Variants in SDK1 observed in about 807,000 individuals in gnomAD.
The protein encoded by SDK1 is sidekick cell adhesion molecule 1, also known as protein sidekick-1.
SDK1 carries 157 observed loss-of-function variants against 245.5 expected under a neutral mutation model. The ratio of observed to expected loss-of-function variants is 0.64; its 90% confidence interval spans 0.56 to 0.73. The LOEUF (loss-of-function observed/expected upper bound fraction) is 0.73. SDK1 is among the 30% of genes least tolerant of loss of function. The probability of loss-of-function intolerance (pLI) is 0.00; values close to 1 mark genes in which losing one functional copy is unlikely to be tolerated. For missense variants in SDK1, 3,583 were observed against 3,002.3 expected (o/e 1.19, Z -4.52); for synonymous variants, 1,647 against 1,278.5 (o/e 1.29, Z -6.15).
At chr7:3,820,449 A>G (rs17325157) in intron 4 of SDK1, among the ~76,000 whole-genome samples, 24,757 of 152,176 alleles carry the variant, frequency 0.16, 2,153 homozygotes, top group Middle Eastern at 0.34. Flanking sequence ...CGCTCAGCCC[A>G]TACTTTTTTA....
intron 4 of SDK1, among the ~76,000 whole-genome samples, chr7:3,798,744 C>G (rs570326289): frequency 2.0e-5 from 3 of 152,212 alleles, no homozygotes; most frequent in African/African-American, 7.2e-5. Flanking sequence ...TTAGCCCGGC[C>G]CACATGCAAG....
intron 13 of SDK1, among the ~76,000 whole-genome samples, chr7:3,984,697 T>G (rs952081970): frequency 1.3e-5 from 2 of 152,184 alleles, no homozygotes; most frequent in African/African-American, 4.8e-5. Flanking sequence ...TCTGCAGAGC[T>G]GCCTGGCTCC....
chr7:3,374,701 G>T (rs557311334), intron 1 of SDK1, among the ~76,000 whole-genome samples: 1 of 151,728 alleles, frequency 6.6e-6, no homozygotes, highest in African/African-American at 2.4e-5. Flanking sequence ...TGCTCCTCCA[G>T]TCCCCACTAC....
rs116599976 is a variant in SDK1, at chr7:3,675,666, C to T, written c.713+33561C>T. ...ATAGCTCACTGCGGCCTGGAACTCC[C>T]GGTCTCAAGCCATCCACTTACCTCA... On this transcript the variant is annotated intron_variant, in intron 4 of 44. Transcript: ENST00000404826. 1.2e-3 allele frequency among the ~76,000 whole-genome samples: 186 copies of T among 152,178 alleles called. 1 individual carries two copies. Among genetic ancestry groups the T allele is most frequent in the African/African-American group, 4.4e-3 (181 of 41,536 alleles).
chr7:3,685,764 C>G (rs1056708287), intron 4 of SDK1, among the ~76,000 whole-genome samples: 1 of 151,858 alleles, frequency 6.6e-6, no homozygotes. Context: ...AGAAAACTAT[C>G]CAAAATGAGA....
intron 35 of SDK1, among the ~76,000 whole-genome samples, chr7:4,188,741 C>G (rs1783027755): frequency 6.6e-6 from 1 of 151,342 alleles, no homozygotes; most frequent in Non-Finnish European, 1.5e-5. Flanking sequence ...AATTCTGGAG[C>G]CTGGCATGAA....
At chr7:3,570,607 A>G in intron 1 of SDK1, among the ~76,000 whole-genome samples, 1 of 152,138 alleles carries the variant, frequency 6.6e-6, no homozygotes, top group Non-Finnish European at 1.5e-5. Context: ...TCTTATCTGG[A>G]AATACTTCTT....
intron 1 of SDK1, among the ~76,000 whole-genome samples, chr7:3,425,553 TAACTC>T (rs1278889174): frequency 1.8e-4 from 28 of 152,322 alleles, no homozygotes; most frequent in Admixed American, 1.8e-3. Context: ...CCTCGATAAA[TAACTC>T]AGCAGTCAGA....
At chr7:3,659,378 G>A (rs1783285138) in intron 4 of SDK1, among the ~76,000 whole-genome samples, 1 of 152,160 alleles carries the variant, frequency 6.6e-6, no homozygotes, top group African/African-American at 2.4e-5. Flanking sequence ...AAAGTCAGGT[G>A]ATGAAAGAAA....
intron 17 of SDK1, among the ~76,000 whole-genome samples, chr7:4,020,079 C>A (rs964322344): frequency 2.0e-4 from 31 of 152,024 alleles, no homozygotes; most frequent in African/African-American, 7.5e-4. Context: ...TATTCCTGGG[C>A]CACGAGGATG....
intron 4 of SDK1, among the ~76,000 whole-genome samples, chr7:3,730,749 C>G (rs1779152382): frequency 6.6e-6 from 1 of 152,012 alleles, no homozygotes; most frequent in African/African-American, 2.4e-5. Flanking sequence ...CAACAGGCAG[C>G]CAATTGGAAG....
chr7:3,835,145 G>T (rs764162230), intron 5 of SDK1, among the ~76,000 whole-genome samples: 44 of 152,098 alleles, frequency 2.9e-4, no homozygotes, highest in Middle Eastern at 3.2e-3. Flanking sequence ...TCAATCTTTG[G>T]TAAGTATAAA....
At chr7:3,586,246 C>T (rs545582719) in intron 1 of SDK1, among the ~76,000 whole-genome samples, 1 of 152,080 alleles carries the variant, frequency 6.6e-6, no homozygotes, top group South Asian at 2.1e-4. Context: ...ACAAAATGGG[C>T]TAAGTTACTG....
intron 5 of SDK1, among the ~76,000 whole-genome samples, chr7:3,891,478 A>T (rs145408866): frequency 3.3e-5 from 5 of 152,294 alleles, no homozygotes; most frequent in African/African-American, 1.2e-4. Context: ...GCCACGGTCT[A>T]TGTTAATCCA....
chr7:3,383,938 C>T (rs1396668800), intron 1 of SDK1, among the ~76,000 whole-genome samples: 4 of 152,154 alleles, frequency 2.6e-5, no homozygotes, highest in South Asian at 4.1e-4. Flanking sequence ...CACATTCTTA[C>T]ATTTCAGAAT....
At chr7:3,414,045 A>G (rs938550690) in intron 1 of SDK1, among the ~76,000 whole-genome samples, 13 of 152,044 alleles carry the variant, frequency 8.6e-5, no homozygotes, top group African/African-American at 3.1e-4. Flanking sequence ...AAGTGGAGAG[A>G]GTATGTTTTG....
intron 5 of SDK1, among the ~76,000 whole-genome samples, chr7:3,940,656 A>G (rs1237523896): frequency 1.3e-5 from 2 of 151,820 alleles, no homozygotes; most frequent in Admixed American, 1.3e-4. Context: ...AACCCCGTCT[A>G]CTAAAAATAC....
At chr7:3,740,914 T>C (rs1743528875) in intron 4 of SDK1, among the ~76,000 whole-genome samples, 1 of 152,176 alleles carries the variant, frequency 6.6e-6, no homozygotes, top group South Asian at 2.1e-4. Flanking sequence ...CAGATGACAT[T>C]TTGTGGTTCA....
chr7:3,897,564 A>G (rs868683526), intron 5 of SDK1, among the ~76,000 whole-genome samples: 1 of 152,212 alleles, frequency 6.6e-6, no homozygotes, highest in Non-Finnish European at 1.5e-5. Context: ...ATATGACCTT[A>G]TATGTATAGA....
Sources: allele counts gnomAD v4.1 joint callset (sites outside exome capture counted in the v4.1 genomes callset), GRCh38; gene constraint gnomAD v4.1.1; transcripts MANE v1.5; gene names NCBI Gene and HGNC (gene_info 2026-07-23, HGNC 2026-07-21).